Variants in LDLRAD2 observed in about 807,000 individuals in gnomAD.
LDLRAD2 encodes the protein low-density lipoprotein receptor class A domain-containing protein 2.
In LDLRAD2, 25 loss-of-function variants were observed where a neutral mutation model predicts 24.9. The observed-to-expected ratio is 1.00, with a 90% confidence interval of 0.73 to 1.40. The LOEUF (loss-of-function observed/expected upper bound fraction) is 1.40, where lower values mean the gene tolerates loss of function less well. Among genes scored for constraint, LDLRAD2 ranks in the 40% most tolerant of loss-of-function variants. The probability of loss-of-function intolerance (pLI) is 0.00; values close to 1 mark genes in which losing one functional copy is unlikely to be tolerated. For missense variants in LDLRAD2, 391 were observed against 366.2 expected, an observed-to-expected ratio of 1.07 and a Z score of -0.55; for synonymous variants, 182 against 166.7, an observed-to-expected ratio of 1.09 and a Z score of -0.71.
intron 3 of LDLRAD2, among the ~76,000 whole-genome samples, chr1:21,819,466 CTCT>C (rs1182536586): frequency 1.3e-5 from 2 of 151,328 alleles, no homozygotes; most frequent in East Asian, 1.9e-4. Context: ...ACAATTAAAC[CTCT>C]TTTCTTTATA....
chr1:21,824,526 C>T lies in LDLRAD2; in HGVS notation c.*2311C>T, dbSNP rs1557664606. The T allele has an allele frequency of 6.2e-7, 1 of 1,612,986 alleles. No individual in the cohort carries two copies. The highest frequency in any genetic ancestry group is 8.5e-7 in the Non-Finnish European group (1 of 1,179,892). Reference sequence around the variant, plus strand: ...GGAGCCCCAAGAGCCCAGCCGGATACCCACACTCACCACACCCTGCCAGAG... The same window carrying T: ...GGAGCCCCAAGAGCCCAGCCGGATATCCACACTCACCACACCCTGCCAGAG... On this transcript the variant is annotated 3_prime_UTR_variant, in exon 5 of 5. Coordinates refer to ENST00000344642, the MANE Select transcript of LDLRAD2 (RefSeq NM_001013693.3). This position sits in a 1 kb window ranked among gnomAD's most constrained non-coding sequence, Gnocchi z 5.9.
chr1:21,814,868 A>C, intron 2 of LDLRAD2, 45 bp downstream of exon 2: 1 of 1,427,092 alleles, frequency 7.0e-7, no homozygotes, highest in Non-Finnish European at 9.1e-7. Flanking sequence ...TGCAGAGGCC[A>C]TGCGGGACTG....
intron 3 of LDLRAD2, among the ~76,000 whole-genome samples, chr1:21,820,261 C>T (rs984619589): frequency 3.9e-5 from 6 of 152,152 alleles, no homozygotes; most frequent in African/African-American, 4.8e-5. Context: ...GCCCGCTGGG[C>T]GCGGTGGCTC....
At chr1:21,817,074 G>C (rs544243189) in intron 3 of LDLRAD2, among the ~76,000 whole-genome samples, 1 of 152,076 alleles carries the variant, frequency 6.6e-6, no homozygotes, top group African/African-American at 2.4e-5. Context: ...AGCTGCCCAG[G>C]CCTCACTGAG....
chr1:21,813,726 C>T (rs2097940779), intron 1 of LDLRAD2, among the ~76,000 whole-genome samples: 1 of 152,184 alleles, frequency 6.6e-6, no homozygotes, highest in Non-Finnish European at 1.5e-5. Context: ...AACTCAACGG[C>T]TCAACAATGT....
Position 21,823,282 on chromosome 1 carries a change from G to A in LDLRAD2, c.*1067G>A, listed in dbSNP as rs1456374595. ...ATACTCGACATTGTCGGGCTGGGGC[G>A]TGGCCCGGGAGTCCGTGTGGGGCAG... On this transcript the variant is annotated 3_prime_UTR_variant, in exon 5 of 5. Coordinates refer to ENST00000344642, the MANE Select transcript of LDLRAD2 (RefSeq NM_001013693.3). The A allele has an allele frequency of 8.8e-6, 13 of 1,470,230 alleles. No individual in the cohort carries two copies. Among genetic ancestry groups the A allele is most frequent in the African/African-American group, 7.1e-5 (5 of 70,590 alleles). The allele number at this position is 1,470,230 out of a possible 1,614,324, so 91.1% of individuals were successfully genotyped here.
chr1:21,823,179 T>A lies in LDLRAD2; in HGVS notation c.*964T>A, dbSNP rs2097956319. 1.1e-6 allele frequency: 1 copy of A among 873,166 alleles called. No homozygotes were observed. Among genetic ancestry groups the A allele is most frequent in the Admixed American group, 3.2e-5 (1 of 31,730 alleles). 54.1% of individuals were successfully genotyped at this position (873,166 alleles called of 1,614,324 possible). A position where few individuals can be genotyped will look rare whatever the true frequency, so the allele number is the denominator to read the frequency against. On this transcript the variant is annotated 3_prime_UTR_variant, in exon 5 of 5. Transcript: ENST00000344642. ...GTGAGGGTGGCATGCCCACCTCCAG[T>A]CCAGCCCAGGGCGGTAGCAGCAAAG...
chr1:21,818,302 G>A (rs143918951), intron 3 of LDLRAD2, among the ~76,000 whole-genome samples: 1,578 of 152,178 alleles, frequency 0.01, 19 homozygotes, highest in African/African-American at 0.029. Flanking sequence ...GTGAGCCTCC[G>A]CACCCGGCCT....
rs1400130925 is a variant in LDLRAD2 at position 21,823,457 on chromosome 1, C to T, written c.*1242C>T. On this transcript the variant is annotated 3_prime_UTR_variant, in exon 5 of 5. Coordinates refer to ENST00000344642, the MANE Select transcript of LDLRAD2 (RefSeq NM_001013693.3). ...CTGTGATGCCTGAGGAGAATCTGCC[C>T]CCGGTCAGCGTGGCCACGTCAGGGG... 1 of 1,595,894 alleles carries T rather than the reference C, an allele frequency of 6.3e-7. No homozygotes were observed. Among genetic ancestry groups the T allele is most frequent in the Non-Finnish European group, 8.5e-7 (1 of 1,175,496 alleles).
Position 21,824,369 on chromosome 1 carries a change from C to T in LDLRAD2, c.*2154C>T, listed in dbSNP as rs368125585. The T allele has an allele frequency of 1.4e-5, 22 of 1,613,870 alleles. No individual in the cohort carries two copies. Among genetic ancestry groups the T allele is most frequent in the Non-Finnish European group, 1.7e-5 (20 of 1,180,026 alleles). Reference sequence around the variant, plus strand: ...GAAGTCCTTGCCTTGGCCGGCCTCTCCCACCTCCTGCCAGGGAAGCACAGG... The same window carrying T: ...GAAGTCCTTGCCTTGGCCGGCCTCTTCCACCTCCTGCCAGGGAAGCACAGG... On this transcript the variant is annotated 3_prime_UTR_variant, in exon 5 of 5. Coordinates refer to ENST00000344642, the MANE Select transcript of LDLRAD2 (RefSeq NM_001013693.3). The surrounding 1 kb of genome is among the most constrained non-coding windows in gnomAD (Gnocchi z 5.9).
At chr1:21,813,444 T>C (rs1485590092) in intron 1 of LDLRAD2, among the ~76,000 whole-genome samples, 1 of 152,214 alleles carries the variant, frequency 6.6e-6, no homozygotes, top group East Asian at 1.9e-4. Context: ...TGAAGGATTT[T>C]TTCCTCAAAG....
At chr1:21,821,940 A>G (rs1438950432) in intron 4 of LDLRAD2, 1 of 1,419,500 alleles carries the variant, frequency 7.0e-7, no homozygotes, top group Non-Finnish European at 9.2e-7. Context: ...GCCCAGCCTT[A>G]TAGGATCAGG....
chr1:21,823,238 T>A lies in LDLRAD2; in HGVS notation c.*1023T>A, dbSNP rs552631601. 7.9e-7 allele frequency: 1 copy of A among 1,264,918 alleles called. No homozygotes were observed. The highest frequency in any genetic ancestry group is 1.0e-6 in the Non-Finnish European group (1 of 961,010). 78.4% of individuals were successfully genotyped at this position (1,264,918 alleles called of 1,614,324 possible). ...CGCCTCGGTTTCTTACAAAAATTCA[T>A]AATAATATTAATAATAATATACTCG... On this transcript the variant is annotated 3_prime_UTR_variant, in exon 5 of 5. Coordinates refer to ENST00000344642, the MANE Select transcript of LDLRAD2 (RefSeq NM_001013693.3).
In LDLRAD2 at chr1:21,825,003, A is replaced by T. The variant is rs1048592131; in HGVS notation, c.*2788A>T. Reference sequence around the variant, plus strand: ...CACTCACTTCTCACTGAAATTGAGCAGTTCTTTCAATGAGATGTAGGCAAG... The same window carrying T: ...CACTCACTTCTCACTGAAATTGAGCTGTTCTTTCAATGAGATGTAGGCAAG... On this transcript the variant is annotated 3_prime_UTR_variant, in exon 5 of 5. Coordinates refer to ENST00000344642, the MANE Select transcript of LDLRAD2 (RefSeq NM_001013693.3). 8.6e-6 allele frequency: 5 copies of T among 583,606 alleles called. No homozygotes were observed. The African/African-American group carries it at 9.3e-5, about 11-fold the overall frequency. The allele number at this position is 583,606 out of a possible 1,614,324, so 36.2% of individuals were successfully genotyped here. A position where few individuals can be genotyped will look rare whatever the true frequency, so the allele number is the denominator to read the frequency against.
intron 2 of LDLRAD2, 94 bp from the exon 3 acceptor site, chr1:21,815,849 C>T: frequency 6.7e-7 from 1 of 1,486,168 alleles, no homozygotes; most frequent in Non-Finnish European, 9.1e-7. Flanking sequence ...CTCTCCTGCC[C>T]ACACCCCCAC....
Position 21,824,121 on chromosome 1 carries a change from C to T in LDLRAD2, c.*1906C>T, listed in dbSNP as rs933132139. 8 of 1,612,768 alleles carry T rather than the reference C, an allele frequency of 5.0e-6. No homozygotes were observed. The highest frequency in any genetic ancestry group is 3.3e-5 in the Admixed American group (2 of 59,976). On this transcript the variant is annotated 3_prime_UTR_variant, in exon 5 of 5. Coordinates refer to ENST00000344642, the MANE Select transcript of LDLRAD2 (RefSeq NM_001013693.3). This position sits in a 1 kb window ranked among gnomAD's most constrained non-coding sequence, Gnocchi z 5.9. ...CCGAGTGCCCGGCAGGGTCCCTTAC[C>T]GCAGTGCTGTCACCCGGTGCCACTC...
rs751479555 is a variant in LDLRAD2, at chr1:21,814,684, GC to G, written c.376del (p.Leu126TrpfsTer8). On this transcript the variant is annotated frameshift_variant, in exon 2 of 5. Coordinates refer to ENST00000344642, the MANE Select transcript of LDLRAD2 (RefSeq NM_001013693.3). LOFTEE classifies it high-confidence loss of function. ...FYEGPPGAPR[P>X]LGSPLCGLNI... is the part of the protein sequence containing the mutation. ...ACGAGGGCCCGCCGGGGGCGCCCCG[GC>G]CCCTGGGGTCCCCACTGTGCGGCCT... 43 of 1,575,544 alleles carry G rather than the reference GC, an allele frequency of 2.7e-5. No individual in the cohort carries two copies. Among genetic ancestry groups the G allele is most frequent in the Non-Finnish European group, 3.5e-5 (41 of 1,161,852 alleles).
rs766338706 is a variant in LDLRAD2 at position 21,814,585 on chromosome 1, C to T, written c.273C>T (p.Pro91=). The stretch of plus-strand genomic sequence containing the variant: ...TCTTCCTGGTCTACAGCCTGACCCC[C>T]GCGCCCCCGGCGCTCAACACCTCCT... The part of the protein sequence containing the change: ...FRFFLVYSLT[P]APPALNTSSP... The change falls in exon 2 of 5, where the codon CCC becomes CCT. Residue 91 remains proline, a synonymous_variant. Transcript: ENST00000344642. The T allele has an allele frequency of 1.1e-4, 170 of 1,611,654 alleles. 1 individual carries two copies. The highest frequency in any genetic ancestry group is 1.4e-4 in the Non-Finnish European group (160 of 1,179,290).
intron 1 of LDLRAD2, among the ~76,000 whole-genome samples, chr1:21,813,071 C>G (rs888892870): frequency 2.6e-5 from 4 of 152,106 alleles, no homozygotes; most frequent in Non-Finnish European, 5.9e-5. Context: ...CCGAGGCGGG[C>G]GGATCATGAG....
Sources: allele counts gnomAD v4.1 joint callset (sites outside exome capture counted in the v4.1 genomes callset), GRCh38; gene constraint gnomAD v4.1.1; non-coding constraint Gnocchi (gnomAD v3.1); transcripts MANE v1.5; gene names NCBI Gene and HGNC (gene_info 2026-07-23, HGNC 2026-07-21).